SEC24A: variants seen among roughly 807,000 people sequenced by gnomAD.
SEC24A encodes the protein protein transport protein Sec24A.
SEC24A carries 93 observed loss-of-function variants against 129.4 expected under a neutral mutation model. The observed-to-expected ratio is 0.72, with a 90% confidence interval of 0.61 to 0.85. The LOEUF (loss-of-function observed/expected upper bound fraction) is 0.85, where lower values mean the gene tolerates loss of function less well. SEC24A is among the 40% of genes least tolerant of loss of function. The pLI, the probability that SEC24A is intolerant of heterozygous loss-of-function variation, is 0.00. For missense variants in SEC24A, 1,264 were observed against 1,307.4 expected (o/e 0.97, Z 0.51); for synonymous variants, 460 against 467.3 (o/e 0.98, Z 0.20).
chr5:134,652,563 G>A (rs374567033), intron 1 of SEC24A, among the ~76,000 whole-genome samples: 8 of 151,902 alleles, frequency 5.3e-5, no homozygotes, highest in African/African-American at 1.9e-4. Flanking sequence ...CGGGATTACA[G>A]GCGTGAGCCA....
At chr5:134,657,179 A>AACACACACACAC (rs1177094202) in intron 1 of SEC24A, among the ~76,000 whole-genome samples, 12 of 137,016 alleles carry the variant, frequency 8.8e-5, no homozygotes, top group African/African-American at 3.9e-4. Flanking sequence ...ATTTCTGAAA[A>AACACACACACAC]ACGCACACAC....
At chr5:134,704,862 A>G (rs1280152006) in intron 16 of SEC24A, among the ~76,000 whole-genome samples, 3 of 150,562 alleles carry the variant, frequency 2.0e-5, no homozygotes, top group Non-Finnish European at 3.0e-5. Flanking sequence ...TTTTTAATAG[A>G]GATAGGGTCT....
At chr5:134,693,067 A>C (rs1283563984) in intron 12 of SEC24A, 59 of 1,535,998 alleles carry the variant, frequency 3.8e-5, no homozygotes, top group Non-Finnish European at 4.9e-5. Context: ...AACTCTTATT[A>C]CCTGCCTGGA....
At chr5:134,686,958 AGT>A (rs1190269272) in intron 10 of SEC24A, 56 bp downstream of exon 10, 16 of 985,604 alleles carry the variant, frequency 1.6e-5, no homozygotes, top group Non-Finnish European at 2.4e-5. Context: ...TAAATGAATA[AGT>A]AGTTTTTGAA....
At position 134,708,715 on chromosome 5, in the gene SEC24A, G is replaced by A; in HGVS notation, c.2554G>A (p.Val852Ile). Reference protein sequence around the residue: ...AISGLLANMAVDRSMTASLSD... With the variant: ...AISGLLANMAIDRSMTASLSD... ...GTCCTTACCCTCACCTTGCTTAGCT[G>A]TTGACAGATCTATGACTGCCAGTCT... Residue 852 changes from valine (V) to isoleucine (I), a missense_variant and splice_region_variant, in exon 18 of 23, where the codon GTT becomes ATT. By Grantham distance (29) the Val-to-Ile change is conservative. Coordinates refer to ENST00000398844, the MANE Select transcript of SEC24A (RefSeq NM_021982.3). 6.2e-7 allele frequency: 1 copy of A among 1,612,090 alleles called. No individual in the cohort carries two copies. Among genetic ancestry groups the A allele is most frequent in the South Asian group, 1.1e-5 (1 of 90,646 alleles).
At chr5:134,710,113 T>C (rs7715240) in intron 18 of SEC24A, among the ~76,000 whole-genome samples, 54,640 of 151,850 alleles carry the variant, frequency 0.36, 10,826 homozygotes, top group East Asian at 0.66. Flanking sequence ...TGGTCAGGCT[T>C]GTCTCAAACT....
Position 134,661,292 on chromosome 5 carries a change from G to C in SEC24A, c.271G>C (p.Val91Leu). Residue 91 changes from valine to leucine, a missense_variant, in exon 2 of 23, where the codon GTG (valine) becomes CTG (leucine). Physicochemically the swap from Val to Leu is conservative, Grantham distance 32 (BLOSUM62 1). Transcript: ENST00000398844. ...TGGGCAGACTCTTAATAGACCACCT[G>C]TGGCCTCTAATCCAGTGACACCTTC... is the stretch of plus-strand genomic sequence containing the variant. The part of the protein sequence containing the change: ...GSGQTLNRPP[V>L]ASNPVTPSLH... 1 of 1,614,160 alleles carries C rather than the reference G, an allele frequency of 6.2e-7. No homozygotes were observed. The highest frequency in any genetic ancestry group is 8.5e-7 in the Non-Finnish European group (1 of 1,180,030).
chr5:134,649,646 A>G (rs1175741322), intron 1 of SEC24A, among the ~76,000 whole-genome samples: 1 of 152,166 alleles, frequency 6.6e-6, no homozygotes, highest in Non-Finnish European at 1.5e-5. Flanking sequence ...GGGCCTACTC[A>G]TCTCTCCCAG....
intron 18 of SEC24A, among the ~76,000 whole-genome samples, chr5:134,712,949 T>TTG (rs58203978): frequency 6.8e-6 from 1 of 146,582 alleles, no homozygotes; most frequent in South Asian, 2.2e-4. Flanking sequence ...TTTTTTTTTT[T>TTG]GAGACAGAGT....
chr5:134,723,811 G>A, intron 22 of SEC24A, 141 bp downstream of exon 22: 1 of 579,414 alleles, frequency 1.7e-6, no homozygotes. Flanking sequence ...TATATCCAAT[G>A]ATTGGAAATA....
intron 2 of SEC24A, 66 bp from the exon 3 acceptor site, chr5:134,666,757 A>G: frequency 7.5e-7 from 1 of 1,339,592 alleles, no homozygotes; most frequent in Non-Finnish European, 1.1e-6. Context: ...CAGCTTTGGT[A>G]AAAGGCTGAT....
Position 134,704,695 on chromosome 5 carries a change from T to A in SEC24A, c.2441-632T>A, listed in dbSNP as rs1752099610. Reference sequence around the variant, plus strand: ...GCACACACTGGTAGTCCTACCTACTTGGGAGGCTGAGTAGGGAGGATTGTT... The same window carrying A: ...GCACACACTGGTAGTCCTACCTACTAGGGAGGCTGAGTAGGGAGGATTGTT... On this transcript the variant is annotated intron_variant, in intron 16 of 22. Coordinates refer to ENST00000398844, the MANE Select transcript of SEC24A (RefSeq NM_021982.3). 2.6e-5 allele frequency among the ~76,000 whole-genome samples: 4 copies of A among 151,774 alleles called. No homozygotes were observed. In the South Asian group the frequency reaches 8.3e-4, roughly 32 times the overall value.
At chr5:134,724,913 A>G (rs1166937302) in intron 22 of SEC24A, 67 bp from the exon 23 acceptor site, 2 of 778,432 alleles carry the variant, frequency 2.6e-6, no homozygotes, top group Non-Finnish European at 4.6e-6. Context: ...GAGGAAATCA[A>G]AAGCCTTCTG....
intron 18 of SEC24A, 34 bp downstream of exon 18, chr5:134,708,922 A>G (rs1324616512): frequency 1.3e-6 from 2 of 1,593,916 alleles, no homozygotes; most frequent in African/African-American, 1.3e-5. Context: ...TAACACAATG[A>G]TGGCCAGGCA....
Position 134,661,277 on chromosome 5 carries a change from C to G in SEC24A, c.256C>G (p.Leu86Val), listed in dbSNP as rs745576111. ...TGGTTCTCAGGGATCTGGGCAGACTCTTAATAGACCACCTGTGGCCTCTAA... is the reference window on the plus strand; with the variant it reads ...TGGTTCTCAGGGATCTGGGCAGACTGTTAATAGACCACCTGTGGCCTCTAA... Reference protein sequence around the residue: ...YGGSQGSGQTLNRPPVASNPV... With the variant: ...YGGSQGSGQTVNRPPVASNPV... Residue 86 changes from leucine to valine, a missense_variant, in exon 2 of 23, where the codon CTT becomes GTT. Coordinates refer to ENST00000398844, the MANE Select transcript of SEC24A (RefSeq NM_021982.3). 17 of 1,614,056 alleles carry G rather than the reference C, an allele frequency of 1.1e-5. No homozygotes were observed. The South Asian group carries it at 1.5e-4, about 15-fold the overall frequency.
intron 7 of SEC24A, among the ~76,000 whole-genome samples, chr5:134,679,166 T>G (rs1751174776): frequency 6.6e-6 from 1 of 152,154 alleles, no homozygotes; most frequent in Non-Finnish European, 1.5e-5. Context: ...CACTGCAGCC[T>G]TGACCTCCCA....
At position 134,685,850 on chromosome 5, in the gene SEC24A, G is replaced by A. The variant is rs1000005511; in HGVS notation, c.1492-940G>A. ...AAAAAAATACAAAAATTAGCCGGGC[G>A]TGGTGGCGCGTGCCTGTAATCCCAG... On this transcript the variant is annotated intron_variant, in intron 9 of 22. Coordinates refer to ENST00000398844, the MANE Select transcript of SEC24A (RefSeq NM_021982.3). Among the ~76,000 whole-genome samples, 5 of 152,046 alleles carry A rather than the reference G, an allele frequency of 3.3e-5. No individual in the cohort carries two copies. The South Asian group carries it at 8.3e-4, about 25-fold the overall frequency.
chr5:134,695,944 CAAAAA>C (rs34026685), intron 13 of SEC24A, among the ~76,000 whole-genome samples: 2 of 67,744 alleles, frequency 3.0e-5, no homozygotes, highest in Admixed American at 1.7e-4. Flanking sequence ...GACTCTGTCT[CAAAAA>C]AAAAAAAAAA....
At chr5:134,682,336 C>A in intron 8 of SEC24A, 37 bp from the exon 9 acceptor site, 1 of 1,070,238 alleles carries the variant, frequency 9.3e-7, no homozygotes, top group Non-Finnish European at 1.4e-6. Context: ...AAATTCTTTT[C>A]AGTTTTTTCA....
Sources: allele counts gnomAD v4.1 joint callset (sites outside exome capture counted in the v4.1 genomes callset), GRCh38; gene constraint gnomAD v4.1.1; transcripts MANE v1.5; gene names NCBI Gene and HGNC (gene_info 2026-07-23, HGNC 2026-07-21).